The following FRAS1 variants were observed in gnomAD, a reference collection of about 807,000 sequenced individuals.
FRAS1 encodes the protein extracellular matrix organizing protein FRAS1.
FRAS1 carries 290 observed loss-of-function variants against 435.2 expected under a neutral mutation model. The observed-to-expected ratio is 0.67, with a 90% CI of 0.61 to 0.73. FRAS1 has a LOEUF of 0.73. Among genes scored for constraint, FRAS1 ranks in the 30% least tolerant of loss-of-function variants. The pLI, the probability that FRAS1 is intolerant of heterozygous loss-of-function variation, is 0.00. For missense variants in FRAS1, 4,860 were observed against 5,001.5 expected (o/e 0.97, Z 0.85); for synonymous variants, 1,800 against 1,851.0 (o/e 0.97, Z 0.71).
intron 2 of FRAS1, among the ~76,000 whole-genome samples, chr4:78,092,770 G>A (rs545095846): frequency 2.6e-4 from 39 of 152,278 alleles, no homozygotes; most frequent in African/African-American, 9.1e-4. Context: ...GCCTTTTTCT[G>A]TGAAGCAAAA....
chr4:78,436,599 T>G (rs912107696), intron 38 of FRAS1, among the ~76,000 whole-genome samples: 4 of 152,152 alleles, frequency 2.6e-5, no homozygotes, highest in Non-Finnish European at 5.9e-5. Flanking sequence ...TGTGGTCTAC[T>G]AACTTGACAG....
At chr4:78,420,904 ATATATATATATATATATT>A (rs1733759763) in intron 33 of FRAS1, among the ~76,000 whole-genome samples, 1 of 83,846 alleles carries the variant, frequency 1.2e-5, no homozygotes, top group African/African-American at 4.7e-5. Context: ...ATATATATAT[ATATATATATATATATATT>A]TATATAAAGG....
intron 2 of FRAS1, among the ~76,000 whole-genome samples, chr4:78,145,141 A>G (rs978317258): frequency 1.3e-5 from 2 of 152,172 alleles, no homozygotes; most frequent in Non-Finnish European, 2.9e-5. Flanking sequence ...ATTAGGTGTA[A>G]TCTTTTAAAA....
At chr4:78,102,149 A>G (rs1271496712) in intron 2 of FRAS1, among the ~76,000 whole-genome samples, 2 of 152,316 alleles carry the variant, frequency 1.3e-5, no homozygotes, top group East Asian at 3.9e-4. Context: ...ACAAAAGGAC[A>G]AGAAAAACTG....
intron 2 of FRAS1, among the ~76,000 whole-genome samples, chr4:78,067,831 C>T (rs1264598479): frequency 6.7e-6 from 1 of 149,446 alleles, no homozygotes; most frequent in Admixed American, 6.7e-5. Context: ...GTAGATGGGA[C>T]TACAGCTGCA....
At chr4:78,370,183 C>A (rs913606753) in intron 23 of FRAS1, among the ~76,000 whole-genome samples, 199 bp downstream of exon 23, 2 of 152,136 alleles carry the variant, frequency 1.3e-5, no homozygotes, top group Non-Finnish European at 2.9e-5. Flanking sequence ...TTTTTGAGCA[C>A]CTATTTGTGT....
At chr4:78,166,652 G>GAAAA (rs1721342208) in intron 2 of FRAS1, among the ~76,000 whole-genome samples, 1 of 152,114 alleles carries the variant, frequency 6.6e-6, no homozygotes, top group Admixed American at 6.5e-5. Context: ...TTAGGCAGTG[G>GAAAA]TTCCTTTGAA....
intron 17 of FRAS1, 47 bp downstream of exon 17, chr4:78,317,555 C>T (rs1729329448): frequency 2.6e-6 from 4 of 1,537,984 alleles, no homozygotes; most frequent in African/African-American, 1.4e-5. Flanking sequence ...CCCACAAGAA[C>T]ATAGATTTAC....
chr4:78,429,002 G>A lies in FRAS1; in HGVS notation c.4712-93G>A, dbSNP rs535219217. On this transcript the variant is annotated intron_variant, in intron 35 of 73. Coordinates refer to ENST00000512123, the MANE Select transcript of FRAS1 (RefSeq NM_025074.7). ...TACATATTTGTGGAAACTGCCTGAA[G>A]AGGACCAGACTACAAGTTGATTCGT... The A allele has an allele frequency of 1.3e-5, 18 of 1,350,502 alleles. No individual in the cohort carries two copies. In the South Asian group the frequency reaches 1.6e-4, roughly 12 times the overall value. 83.7% of individuals were successfully genotyped at this position (1,350,502 alleles called of 1,614,324 possible). A position where few individuals can be genotyped will look rare whatever the true frequency, so the allele number is the denominator to read the frequency against.
intron 2 of FRAS1, among the ~76,000 whole-genome samples, chr4:78,150,745 G>C (rs143165885): frequency 6.6e-6 from 1 of 152,300 alleles, no homozygotes; most frequent in East Asian, 1.9e-4. Flanking sequence ...AAGCCTGTGA[G>C]ATTGATTGCT....
chr4:78,446,351 T>TG (rs1168781251), intron 42 of FRAS1: 4 of 1,059,496 alleles, frequency 3.8e-6, no homozygotes, highest in Non-Finnish European at 4.6e-6. Flanking sequence ...ACAGGTACTG[T>TG]GGTATGCTTA....
intron 2 of FRAS1, among the ~76,000 whole-genome samples, chr4:78,217,285 C>T (rs531213270): frequency 6.6e-6 from 1 of 152,284 alleles, no homozygotes; most frequent in African/African-American, 2.4e-5. Context: ...CTTCTAGAAA[C>T]ATCCTAACAG....
intron 55 of FRAS1, among the ~76,000 whole-genome samples, chr4:78,478,532 A>G (rs919543773): frequency 6.6e-6 from 1 of 152,224 alleles, no homozygotes; most frequent in Non-Finnish European, 1.5e-5. Flanking sequence ...ATAAAGGGCA[A>G]TTCTTTTTTT....
intron 18 of FRAS1, among the ~76,000 whole-genome samples, chr4:78,324,134 G>GT (rs965486214): frequency 9.9e-5 from 15 of 151,942 alleles, no homozygotes; most frequent in African/African-American, 3.1e-4. Context: ...CCTCGTTTTT[G>GT]TTTTTTCTCA....
chr4:78,323,098 C>T (rs1467246624), intron 18 of FRAS1, among the ~76,000 whole-genome samples: 3 of 152,150 alleles, frequency 2.0e-5, no homozygotes, highest in Non-Finnish European at 4.4e-5. Flanking sequence ...TGCATTTGTC[C>T]TGTGCTTTGG....
rs369095876 is a variant in FRAS1, at chr4:78,387,548, C to A, written c.3822C>A (p.Thr1274=). Residue 1274 remains threonine (T), a synonymous_variant, in exon 29 of 74, where the codon ACC becomes ACA. Transcript: ENST00000512123. ...QLLQTLQSPA[T]PIYQFQLDEL... is the part of the protein sequence containing the mutation. ...TTCAGACACTTCAGTCCCCGGCAACCCCTATCTATCAATTCCAGCTGGATG... is the reference window on the plus strand; with the variant it reads ...TTCAGACACTTCAGTCCCCGGCAACACCTATCTATCAATTCCAGCTGGATG... 32 of 1,613,682 alleles carry A rather than the reference C, an allele frequency of 2.0e-5. No homozygotes were observed. The highest frequency in any genetic ancestry group is 2.4e-5 in the Non-Finnish European group (28 of 1,179,856).
At chr4:78,369,270 A>C (rs967814024) in intron 22 of FRAS1, among the ~76,000 whole-genome samples, 4 of 152,204 alleles carry the variant, frequency 2.6e-5, no homozygotes, top group African/African-American at 9.7e-5. Flanking sequence ...GCCAGTTGTT[A>C]AATAAGGGAA....
intron 58 of FRAS1, among the ~76,000 whole-genome samples, chr4:78,484,984 C>T (rs1479216626): frequency 6.6e-6 from 1 of 152,158 alleles, no homozygotes; most frequent in Non-Finnish European, 1.5e-5. Flanking sequence ...ACGTTTTATT[C>T]TTGAAATTGT....
intron 2 of FRAS1, among the ~76,000 whole-genome samples, chr4:78,213,248 C>G (rs1723593994): frequency 6.6e-6 from 1 of 152,242 alleles, no homozygotes; most frequent in Admixed American, 6.5e-5. Flanking sequence ...ATACATCCCT[C>G]AAGGTTGCAT....
Sources: gnomAD v4.1 joint callset for allele counts (sites outside exome capture counted in the v4.1 genomes callset) on GRCh38, gnomAD v4.1.1 for gene constraint, MANE v1.5 for transcripts, NCBI Gene and HGNC (gene_info 2026-07-23, HGNC 2026-07-21) for gene names.